ANKS1B: variants seen among roughly 807,000 people sequenced by gnomAD.
ANKS1B encodes the protein ankyrin repeat and sterile alpha motif domain-containing protein 1B.
A neutral mutation model predicts 148.3 loss-of-function variants in ANKS1B; 36 were observed. That is an observed-to-expected ratio of 0.24 (90% CI 0.19 to 0.32). The LOEUF (loss-of-function observed/expected upper bound fraction) is 0.32. ANKS1B is among the 10% of genes least tolerant of loss of function. The pLI is 1.00. For missense variants in ANKS1B, 1,157 were observed against 1,542.6 expected, an observed-to-expected ratio of 0.75 and a Z score of 4.19; for synonymous variants, 542 against 560.8, an observed-to-expected ratio of 0.97 and a Z score of 0.47.
chr12:99,960,493 C>A (rs774289742), intron 1 of ANKS1B, among the ~76,000 whole-genome samples: 7 of 152,102 alleles, frequency 4.6e-5, no homozygotes, highest in Non-Finnish European at 1.0e-4. Flanking sequence ...GGTTTACCAG[C>A]CAAAGCTGAC....
intron 9 of ANKS1B, among the ~76,000 whole-genome samples, chr12:98,736,426 G>T (rs2097773478): frequency 6.6e-6 from 1 of 152,200 alleles, no homozygotes; most frequent in Non-Finnish European, 1.5e-5. Flanking sequence ...TGGAAGAAGA[G>T]AGTTGCCGTC....
intron 12 of ANKS1B, among the ~76,000 whole-genome samples, chr12:99,380,914 A>C (rs2093619407): frequency 6.6e-6 from 1 of 152,162 alleles, no homozygotes; most frequent in South Asian, 2.1e-4. Flanking sequence ...GAAGTTCATG[A>C]ATTTACAATA....
intron 15 of ANKS1B, among the ~76,000 whole-genome samples, chr12:99,102,698 C>G (rs966736765): frequency 6.6e-6 from 1 of 152,108 alleles, no homozygotes; most frequent in East Asian, 1.9e-4. Context: ...AAACTGTGAT[C>G]ATACCACTGC....
rs74672205 is a variant in ANKS1B, at chr12:99,370,836, C to T, written c.1756+28795G>A. 2.6e-3 allele frequency among the ~76,000 whole-genome samples: 397 copies of T among 152,216 alleles called. 1 individual carries two copies. Among genetic ancestry groups the T allele is most frequent in the Non-Finnish European group, 3.9e-3 (263 of 67,984 alleles). On this transcript the variant is annotated intron_variant, in intron 12 of 26. Transcript: ENST00000683438. ...GTGCATTGTGCATGAAAACAACAAA[C>T]ATTGGAATATAGTTAGTCCTAAGAT...
chr12:99,210,891 C>G (rs1373763030), intron 14 of ANKS1B, among the ~76,000 whole-genome samples: 1 of 152,212 alleles, frequency 6.6e-6, no homozygotes, highest in Non-Finnish European at 1.5e-5. Flanking sequence ...TGGTATACTG[C>G]ATTCCCTCAA....
chr12:99,969,186 G>C (rs2095527475), intron 1 of ANKS1B, among the ~76,000 whole-genome samples: 2 of 151,978 alleles, frequency 1.3e-5, no homozygotes, highest in Admixed American at 6.6e-5. Flanking sequence ...GGTTTTTGTG[G>C]GGGTTGTTCT....
intron 17 of ANKS1B, among the ~76,000 whole-genome samples, chr12:98,942,670 T>G (rs1355749971): frequency 6.6e-6 from 1 of 152,226 alleles, no homozygotes; most frequent in East Asian, 1.9e-4. Context: ...ACTATTGAAT[T>G]ACATTGCCTG....
At chr12:99,961,652 A>G (rs538432803) in intron 1 of ANKS1B, among the ~76,000 whole-genome samples, 44 of 152,314 alleles carry the variant, frequency 2.9e-4, no homozygotes, top group Non-Finnish European at 7.3e-5. Context: ...AGGATATATT[A>G]AACATGGATC....
At chr12:99,443,958 AT>A in intron 10 of ANKS1B, 149 bp from the exon 11 acceptor site, 1 of 911,906 alleles carries the variant, frequency 1.1e-6, no homozygotes, top group Non-Finnish European at 1.6e-6. Context: ...TCAGTAGTAT[AT>A]TTTAAAGATA....
chr12:99,717,943 G>C (rs1191469382), intron 8 of ANKS1B, among the ~76,000 whole-genome samples: 6 of 123,972 alleles, frequency 4.8e-5, no homozygotes, highest in Non-Finnish European at 9.4e-5. Context: ...TCGCTCTGTC[G>C]CCCAGGCTGG....
intron 17 of ANKS1B, chr12:98,895,332 G>C: frequency 8.1e-6 from 8 of 984,594 alleles, no homozygotes; most frequent in Non-Finnish European, 9.6e-6. Context: ...CGCACTCCGG[G>C]AGGCCGCCGG....
At chr12:99,474,043 T>A (rs571924401) in intron 10 of ANKS1B, among the ~76,000 whole-genome samples, 1 of 152,234 alleles carries the variant, frequency 6.6e-6, no homozygotes, top group East Asian at 1.9e-4. Flanking sequence ...GGCTGAAATA[T>A]CCTTAGAAGA....
chr12:99,168,095 T>A (rs1489621447), intron 14 of ANKS1B, among the ~76,000 whole-genome samples: 1 of 152,234 alleles, frequency 6.6e-6, no homozygotes, highest in African/African-American at 2.4e-5. Flanking sequence ...TTGGGGCTGA[T>A]GAATATATTC....
chr12:98,877,882 C>CAT (rs2099695451), intron 17 of ANKS1B, among the ~76,000 whole-genome samples: 1 of 152,036 alleles, frequency 6.6e-6, no homozygotes, highest in South Asian at 2.1e-4. Flanking sequence ...CCACTTATTC[C>CAT]ATATATATAT....
chr12:99,016,998 G>C (rs948560606), intron 17 of ANKS1B, among the ~76,000 whole-genome samples: 1 of 152,150 alleles, frequency 6.6e-6, no homozygotes, highest in Non-Finnish European at 1.5e-5. Flanking sequence ...TTTAGTTAGA[G>C]AGTTGAAGGG....
At chr12:99,975,863 GAAAAT>G (rs1330632355) in intron 1 of ANKS1B, among the ~76,000 whole-genome samples, 1 of 152,082 alleles carries the variant, frequency 6.6e-6, no homozygotes, top group African/African-American at 2.4e-5. Context: ...ATACCCAAAA[GAAAAT>G]AAATCATTCT....
intron 12 of ANKS1B, among the ~76,000 whole-genome samples, chr12:99,387,357 C>T (rs1435672653): frequency 6.6e-6 from 1 of 152,162 alleles, no homozygotes; most frequent in East Asian, 1.9e-4. Flanking sequence ...GTGGCTCACG[C>T]CTGTAATCCC....
At chr12:99,657,077 A>G (rs2153448010) in intron 8 of ANKS1B, among the ~76,000 whole-genome samples, 1 of 151,914 alleles carries the variant, frequency 6.6e-6, no homozygotes, top group South Asian at 2.1e-4. Flanking sequence ...ATACAATAAT[A>G]ATAACAACTG....
At chr12:99,581,261 G>A (rs2097566952) in intron 9 of ANKS1B, among the ~76,000 whole-genome samples, 1 of 152,168 alleles carries the variant, frequency 6.6e-6, no homozygotes, top group Non-Finnish European at 1.5e-5. Flanking sequence ...CTCACCAGAT[G>A]TGACCATTTG....
Sources: allele counts gnomAD v4.1 joint callset (sites outside exome capture counted in the v4.1 genomes callset), GRCh38; gene constraint gnomAD v4.1.1; transcripts MANE v1.5; gene names NCBI Gene and HGNC (gene_info 2026-07-23, HGNC 2026-07-21).